The following SNTG2 variants were observed in gnomAD, a reference collection of about 807,000 sequenced individuals.
The protein encoded by SNTG2 is gamma-2-syntrophin.
Under a neutral mutation model 70.9 loss-of-function variants are expected in SNTG2, and 74 were observed. The observed-to-expected ratio is 1.04, with a 90% CI of 0.86 to 1.27. The LOEUF is 1.27. SNTG2 is among the 50% of genes most tolerant of loss of function. The pLI, the probability that SNTG2 is intolerant of heterozygous loss-of-function variation, is 0.00. For synonymous variants in SNTG2, 278 were observed against 273.8 expected (o/e 1.02, Z -0.15); for missense variants, 717 against 690.7 (o/e 1.04, Z -0.43).
intron 6 of SNTG2, among the ~76,000 whole-genome samples, chr2:1,159,755 A>G (rs968753515): frequency 3.9e-5 from 6 of 152,188 alleles, no homozygotes; most frequent in Non-Finnish European, 8.8e-5. Flanking sequence ...AAGAGAAAAC[A>G]TAGAGGACAA....
chr2:1,092,986 TTA>T (rs1392215875), intron 2 of SNTG2, among the ~76,000 whole-genome samples: 5 of 152,232 alleles, frequency 3.3e-5, no homozygotes, highest in African/African-American at 1.2e-4. Flanking sequence ...TGAAAATAAT[TTA>T]TTGAACAATT....
chr2:1,361,874 ACCAACG>A (rs1558232494), intron 16 of SNTG2, among the ~76,000 whole-genome samples: 36 of 104,442 alleles, frequency 3.4e-4, no homozygotes, highest in Middle Eastern at 4.7e-3. Context: ...CATGAAAGTC[ACCAACG>A]CTGAGCATTT....
At chr2:1,224,014 G>C (rs1290231229) in intron 9 of SNTG2, among the ~76,000 whole-genome samples, 1 of 152,226 alleles carries the variant, frequency 6.6e-6, no homozygotes, top group Non-Finnish European at 1.5e-5. Context: ...CAGGTGGTCA[G>C]TCTGGTGAGG....
intron 1 of SNTG2, chr2:1,068,389 C>T (rs1663295514): frequency 6.6e-6 from 1 of 152,170 alleles, no homozygotes; most frequent in African/African-American, 2.4e-5. Flanking sequence ...AGCAAATTAA[C>T]ACGGTTTCCA....
At chr2:1,221,302 TC>T (rs1674763986) in intron 9 of SNTG2, among the ~76,000 whole-genome samples, 1 of 7,252 alleles carries the variant, frequency 1.4e-4, no homozygotes, top group Non-Finnish European at 3.5e-4. Flanking sequence ...TCTCTGTCCC[TC>T]TCTGTCTCTG....
chr2:1,346,609 G>C (rs998846291), intron 16 of SNTG2: 1 of 152,288 alleles, frequency 6.6e-6, no homozygotes, highest in Non-Finnish European at 1.5e-5. Flanking sequence ...ATCGAATGCT[G>C]CCAAATACTT....
chr2:1,220,185 G>C (rs1431973789), intron 9 of SNTG2: 1 of 152,518 alleles, frequency 6.6e-6, no homozygotes, highest in Admixed American at 6.5e-5. Flanking sequence ...TGTCCTGGCA[G>C]CTGTGGGGCC....
chr2:1,265,300 G>A (rs957812387), intron 13 of SNTG2, among the ~76,000 whole-genome samples: 2 of 152,186 alleles, frequency 1.3e-5, no homozygotes, highest in East Asian at 3.8e-4. Context: ...CTGTACTCAA[G>A]GCTCATTTAG....
intron 9 of SNTG2, among the ~76,000 whole-genome samples, chr2:1,228,934 G>A (rs1675990415): frequency 6.6e-6 from 1 of 152,004 alleles, no homozygotes; most frequent in Non-Finnish European, 1.5e-5. Flanking sequence ...AGACCTTCGC[G>A]GTGAGTGTTA....
At chr2:1,120,941 C>T (rs1667337407) in intron 4 of SNTG2, among the ~76,000 whole-genome samples, 1 of 151,934 alleles carries the variant, frequency 6.6e-6, no homozygotes, top group Non-Finnish European at 1.5e-5. Flanking sequence ...CATGCAATAG[C>T]AGCAAAATAC....
At chr2:965,588 C>T (rs1321995320) in intron 1 of SNTG2, among the ~76,000 whole-genome samples, 1 of 151,900 alleles carries the variant, frequency 6.6e-6, no homozygotes, top group Non-Finnish European at 1.5e-5. Context: ...CCTCTGTGGC[C>T]CCCTCCTCCT....
intron 2 of SNTG2, among the ~76,000 whole-genome samples, chr2:1,091,131 G>A (rs891340964): frequency 2.6e-5 from 4 of 152,226 alleles, no homozygotes; most frequent in Admixed American, 6.5e-5. Context: ...AGGCCCATTC[G>A]CATCTGTGAC....
At chr2:1,085,336 C>T (rs1664617537) in intron 2 of SNTG2, among the ~76,000 whole-genome samples, 1 of 152,164 alleles carries the variant, frequency 6.6e-6, no homozygotes, top group Non-Finnish European at 1.5e-5. Context: ...TTTTAAAAGT[C>T]TATAGCATCA....
intron 1 of SNTG2, among the ~76,000 whole-genome samples, chr2:1,051,962 C>T (rs1662102739): frequency 6.6e-6 from 1 of 152,204 alleles, no homozygotes; most frequent in Non-Finnish European, 1.5e-5. Flanking sequence ...AAATGGTAAA[C>T]TACCCTTACA....
intron 1 of SNTG2, among the ~76,000 whole-genome samples, chr2:981,511 A>G (rs1661094010): frequency 6.6e-6 from 1 of 151,934 alleles, no homozygotes; most frequent in Non-Finnish European, 1.5e-5. Context: ...TACACATGCA[A>G]GCACTCACAC....
intron 1 of SNTG2, among the ~76,000 whole-genome samples, chr2:1,081,520 A>G (rs1056429444): frequency 6.6e-6 from 1 of 152,238 alleles, no homozygotes; most frequent in African/African-American, 2.4e-5. Context: ...CAGTGAGCTC[A>G]GCCCTCGGTC....
intron 1 of SNTG2, among the ~76,000 whole-genome samples, chr2:1,060,503 CCTT>C (rs1356080702): frequency 1.3e-5 from 2 of 152,100 alleles, no homozygotes; most frequent in Admixed American, 6.5e-5. Context: ...TTCTAAATGC[CCTT>C]CTTCTTCACA....
intron 14 of SNTG2, among the ~76,000 whole-genome samples, chr2:1,285,098 T>C (rs188397438): frequency 8.5e-5 from 13 of 152,222 alleles, no homozygotes; most frequent in Admixed American, 6.5e-4. Context: ...TGAAGTCCCA[T>C]GTTCAAGGGC....
chr2:1,348,697 G>A (rs1293615013), intron 16 of SNTG2, among the ~76,000 whole-genome samples: 1 of 152,184 alleles, frequency 6.6e-6, no homozygotes, highest in African/African-American at 2.4e-5. Context: ...TAACCACCTT[G>A]GGAACATGTT....
Sources: gnomAD v4.1 joint callset for allele counts (sites outside exome capture counted in the v4.1 genomes callset) on GRCh38, gnomAD v4.1.1 for gene constraint, MANE v1.5 for transcripts, NCBI Gene and HGNC (gene_info 2026-07-23, HGNC 2026-07-21) for gene names.